The following ERC2 variants were observed in gnomAD, a reference collection of about 807,000 sequenced individuals.
ERC2 encodes ERC protein 2.
Under a neutral mutation model 114.8 loss-of-function variants are expected in ERC2, and 42 were observed. That is an observed-to-expected ratio of 0.37 (90% CI 0.29 to 0.47). The LOEUF (loss-of-function observed/expected upper bound fraction) is 0.47. Among genes scored for constraint, ERC2 ranks in the 20% least tolerant of loss-of-function variants. ERC2 has a pLI of 0.99. For missense variants in ERC2, 939 were observed against 1,150.7 expected (o/e 0.82, Z 2.66); for synonymous variants, 454 against 425.5 (o/e 1.07, Z -0.82).
chr3:55,718,337 G>C (rs1053947184), intron 15 of ERC2, among the ~76,000 whole-genome samples: 7 of 152,116 alleles, frequency 4.6e-5, no homozygotes, highest in African/African-American at 1.7e-4. Flanking sequence ...GTCCGTTAAG[G>C]GTGATTACTG....
chr3:55,978,833 G>T (rs1454553874), intron 12 of ERC2, among the ~76,000 whole-genome samples: 4 of 152,268 alleles, frequency 2.6e-5, no homozygotes, highest in Non-Finnish European at 4.4e-5. Context: ...GAATAACTTG[G>T]ACTGTGAATG....
At chr3:55,559,552 A>G (rs1033467162) in intron 17 of ERC2, among the ~76,000 whole-genome samples, 2 of 152,236 alleles carry the variant, frequency 1.3e-5, no homozygotes, top group African/African-American at 2.4e-5. Context: ...TGTCCCCAAG[A>G]GACCTGGCCC....
intron 17 of ERC2, among the ~76,000 whole-genome samples, chr3:55,603,277 A>C (rs976164053): frequency 6.6e-6 from 1 of 152,196 alleles, no homozygotes; most frequent in Non-Finnish European, 1.5e-5. Flanking sequence ...AGTCAAAACA[A>C]AAATAAGACA....
intron 17 of ERC2, among the ~76,000 whole-genome samples, chr3:55,680,883 A>G (rs1025638755): frequency 2.0e-5 from 3 of 152,230 alleles, no homozygotes; most frequent in African/African-American, 7.2e-5. Flanking sequence ...TAGGCAGCAT[A>G]GACTACATAA....
intron 14 of ERC2, among the ~76,000 whole-genome samples, chr3:55,759,285 T>TA (rs533687104): frequency 3.9e-5 from 6 of 152,146 alleles, no homozygotes; most frequent in South Asian, 2.1e-4. Context: ...CTTACAATTT[T>TA]AAAAAACAGC....
chr3:56,445,970 C>T (rs528959046), intron 1 of ERC2, among the ~76,000 whole-genome samples: 65 of 151,994 alleles, frequency 4.3e-4, no homozygotes, highest in African/African-American at 1.4e-3. Flanking sequence ...GCTGACTGGC[C>T]AAGGGTCATC....
intron 16 of ERC2, among the ~76,000 whole-genome samples, chr3:55,691,632 T>C (rs539952573): frequency 1.4e-5 from 2 of 139,576 alleles, no homozygotes; most frequent in Non-Finnish European, 3.0e-5. Context: ...GCTTTAGACA[T>C]ACTAGCTTGG....
At chr3:56,387,817 A>G (rs2059988688) in intron 2 of ERC2, among the ~76,000 whole-genome samples, 1 of 152,196 alleles carries the variant, frequency 6.6e-6, no homozygotes, top group Admixed American at 6.6e-5. Flanking sequence ...ATGATTGGAT[A>G]AGGAGACAGA....
At chr3:56,014,418 G>A (rs902717821) in intron 8 of ERC2, among the ~76,000 whole-genome samples, 3 of 152,036 alleles carry the variant, frequency 2.0e-5, no homozygotes, top group Admixed American at 1.3e-4. Context: ...CATTGTCAAG[G>A]GAGTTCCAGG....
rs781471902 is a variant in ERC2, at chr3:56,296,369, G to A, written c.724C>T (p.Leu242Phe). ...LRTQRDLNHL[L>F]QQESGNRGAE... ...CCTCGGTTGCCACTCTCTTGCTGGAGGAGGTGGTTGAGGTCTCTCTGGGTT... is the reference window on the plus strand; with the variant it reads ...CCTCGGTTGCCACTCTCTTGCTGGAAGAGGTGGTTGAGGTCTCTCTGGGTT... The change falls in exon 3 of 18, where the codon CTC becomes TTC. Residue 242 changes from leucine (L) to phenylalanine (F), a missense_variant. Leu to Phe is a conservative substitution (Grantham distance 22, BLOSUM62 0). This residue lies in a region of ERC2 where 281 missense variants were observed against 307.4 expected (regional missense o/e 0.91). Transcript: ENST00000288221. The A allele has an allele frequency of 1.2e-6, 2 of 1,614,026 alleles. No homozygotes were observed. The highest frequency in any genetic ancestry group is 8.5e-7 in the Non-Finnish European group (1 of 1,179,888).
In ERC2 at chr3:55,724,519, T is replaced by C. The variant is rs1237453618; in HGVS notation, c.2712+10252A>G. ...ACCAGCTGTGGCATCTCTGCATAGT[T>C]CCTGAACCCAAGTTTCCTCATCTGT... is the stretch of plus-strand genomic sequence containing the variant. On this transcript the variant is annotated intron_variant, in intron 15 of 17. Transcript: ENST00000288221. Among the ~76,000 whole-genome samples the C allele has an allele frequency of 4.6e-5, 7 of 152,312 alleles. No individual in the cohort carries two copies. In the East Asian group the frequency reaches 9.6e-4, roughly 21 times the overall value.
At chr3:56,309,126 G>A (rs1243597074) in intron 2 of ERC2, among the ~76,000 whole-genome samples, 1 of 152,148 alleles carries the variant, frequency 6.6e-6, no homozygotes, top group East Asian at 1.9e-4. Context: ...GCTGAGGGAG[G>A]TATAAAAAAT....
At chr3:55,821,927 G>A (rs2060139730) in intron 14 of ERC2, among the ~76,000 whole-genome samples, 1 of 152,234 alleles carries the variant, frequency 6.6e-6, no homozygotes, top group Admixed American at 6.5e-5. Context: ...GAGAGAGAAT[G>A]TGTACATTCA....
At chr3:56,420,177 C>CTTTTTTTTT (rs34883402) in intron 2 of ERC2, among the ~76,000 whole-genome samples, 7 of 72,292 alleles carry the variant, frequency 9.7e-5, no homozygotes, top group Non-Finnish European at 1.5e-4. Flanking sequence ...AGTGGTTATA[C>CTTTTTTTTT]TTTTTTTTTT....
At chr3:56,002,239 T>C (rs577574086) in intron 10 of ERC2, among the ~76,000 whole-genome samples, 10 of 152,268 alleles carry the variant, frequency 6.6e-5, no homozygotes, top group African/African-American at 2.4e-4. Context: ...GGTGCAATTG[T>C]TTCCTTTATC....
chr3:56,168,018 T>C (rs568849442), intron 4 of ERC2, among the ~76,000 whole-genome samples: 10 of 152,268 alleles, frequency 6.6e-5, no homozygotes, highest in African/African-American at 2.4e-4. Flanking sequence ...ATTTCCAAAG[T>C]AAATGTTGAA....
At chr3:56,064,146 G>A (rs1237905579) in intron 7 of ERC2, among the ~76,000 whole-genome samples, 4 of 152,094 alleles carry the variant, frequency 2.6e-5, no homozygotes, top group Admixed American at 2.0e-4. Flanking sequence ...AATAGCTCTG[G>A]TCAAATGCCC....
intron 14 of ERC2, among the ~76,000 whole-genome samples, chr3:55,755,364 G>C (rs566085610): frequency 1.3e-5 from 2 of 152,236 alleles, no homozygotes; most frequent in African/African-American, 4.8e-5. Context: ...AAAGATTATT[G>C]TCAGGAACCT....
intron 17 of ERC2, among the ~76,000 whole-genome samples, chr3:55,583,383 TTTCTTTCCTTCCTTCTTTCCTTCC>T (rs201051544): frequency 1.4e-4 from 18 of 126,416 alleles, no homozygotes; most frequent in African/African-American, 6.0e-4. Context: ...TCTTTCCTTC[TTTCTTTCCTTCCTTCTTTCCTTCC>T]TTCCTTCCTT....
Sources: gnomAD v4.1 joint callset for allele counts (sites outside exome capture counted in the v4.1 genomes callset) on GRCh38, gnomAD v4.1.1 for gene constraint, gnomAD v4.1.1 regional missense constraint, MANE v1.5 for transcripts, NCBI Gene and HGNC (gene_info 2026-07-23, HGNC 2026-07-21) for gene names.